Variants in PLA2R1 observed in about 807,000 individuals in gnomAD.
PLA2R1 encodes the protein secretory phospholipase A2 receptor.
In PLA2R1, 158 loss-of-function variants were observed where a neutral mutation model predicts 195.9. That is an observed-to-expected ratio of 0.81 (90% CI 0.71 to 0.92). The LOEUF (loss-of-function observed/expected upper bound fraction) is 0.92. Among genes scored for constraint, PLA2R1 ranks in the 40% least tolerant of loss-of-function variants. The pLI, the probability that PLA2R1 is intolerant of heterozygous loss-of-function variation, is 0.00. For missense variants in PLA2R1, 1,626 were observed against 1,764.6 expected (o/e 0.92, Z 1.41); for synonymous variants, 586 against 598.2 (o/e 0.98, Z 0.30).
intron 11 of PLA2R1, among the ~76,000 whole-genome samples, chr2:159,999,279 G>A (rs949055333): frequency 1.3e-5 from 2 of 151,436 alleles, no homozygotes; most frequent in Non-Finnish European, 2.9e-5. Context: ...ATCTATATAT[G>A]AGTTATTTAT....
intron 17 of PLA2R1, 68 bp downstream of exon 17, chr2:159,976,000 C>T: frequency 2.4e-6 from 2 of 822,080 alleles, no homozygotes; most frequent in Non-Finnish European, 2.0e-6. Flanking sequence ...AACTATCCCT[C>T]CCTCCCTCCC....
At chr2:160,025,154 G>A (rs1693417498) in intron 6 of PLA2R1, among the ~76,000 whole-genome samples, 1 of 152,150 alleles carries the variant, frequency 6.6e-6, no homozygotes, top group South Asian at 2.1e-4. Context: ...ATACCGTAAT[G>A]GTGGTCTGTA....
chr2:160,061,407 A>G (rs1695940685), intron 1 of PLA2R1, among the ~76,000 whole-genome samples: 1 of 152,144 alleles, frequency 6.6e-6, no homozygotes, highest in East Asian at 1.9e-4. Context: ...TTTTCCACTG[A>G]GAGAGACTAA....
intron 9 of PLA2R1, among the ~76,000 whole-genome samples, chr2:160,015,844 TAGAAG>T (rs1692705123): frequency 6.6e-6 from 1 of 152,212 alleles, no homozygotes; most frequent in Non-Finnish European, 1.5e-5. Context: ...ATAACTGGAT[TAGAAG>T]AGAAAATAAT....
chr2:159,928,840 T>C (rs1364162317), downstream of PLA2R1, among the ~76,000 whole-genome samples: 1 of 152,046 alleles, frequency 6.6e-6, no homozygotes, highest in Admixed American at 6.6e-5. Context: ...ATCTCAGAAA[T>C]AAAGCCAAAT....
At chr2:159,948,388 C>T (rs1352149939) in intron 25 of PLA2R1, among the ~76,000 whole-genome samples, 1 of 152,016 alleles carries the variant, frequency 6.6e-6, no homozygotes, top group African/African-American at 2.4e-5. Context: ...GCACGTACCA[C>T]CAAGCCCAGA....
chr2:159,944,498 ATCT>A (rs1240079722), intron 28 of PLA2R1, among the ~76,000 whole-genome samples: 3 of 152,340 alleles, frequency 2.0e-5, no homozygotes, highest in Admixed American at 6.5e-5. Flanking sequence ...AGGGAATCAC[ATCT>A]TCTTGTCTAC....
intron 20 of PLA2R1, among the ~76,000 whole-genome samples, chr2:159,967,279 G>C (rs1232130475): frequency 2.0e-5 from 3 of 152,002 alleles, no homozygotes; most frequent in Admixed American, 2.0e-4. Flanking sequence ...CATTCATACA[G>C]CACAATAAAT....
At chr2:160,008,291 G>A (rs1482672785) in intron 10 of PLA2R1, among the ~76,000 whole-genome samples, 1 of 152,226 alleles carries the variant, frequency 6.6e-6, no homozygotes, top group African/African-American at 2.4e-5. Context: ...GGGTGATAGA[G>A]TGAGACCCTG....
rs555703166 is a variant in PLA2R1 at position 159,987,184 on chromosome 2, G to C, written c.2009C>G (p.Ser670Ter). ...PFHPCYLDWE[S>*]EPGLASCFKV... ...GAAGCAACTGGCCAGACCAGGCTCTGACTCCCAGTCCAAATAGCAGGGGTG... is the reference window on the plus strand; with the variant it reads ...GAAGCAACTGGCCAGACCAGGCTCTCACTCCCAGTCCAAATAGCAGGGGTG... Residue 670 changes from serine to a stop codon, truncating the protein, a stop_gained, in exon 12 of 30, where the codon TCA becomes TGA. Coordinates refer to ENST00000283243, the MANE Select transcript of PLA2R1 (RefSeq NM_007366.5). LOFTEE classifies it high-confidence loss of function. 1 of 1,613,918 alleles carries C rather than the reference G, an allele frequency of 6.2e-7. No individual in the cohort carries two copies. Among genetic ancestry groups the C allele is most frequent in the Non-Finnish European group, 8.5e-7 (1 of 1,179,824 alleles).
At chr2:160,031,501 G>C (rs144952131) in intron 4 of PLA2R1, among the ~76,000 whole-genome samples, 6 of 152,212 alleles carry the variant, frequency 3.9e-5, no homozygotes, top group Admixed American at 3.9e-4. Context: ...ATGTGTGCCA[G>C]GCACTTTTCT....
At chr2:160,039,524 T>C (rs1005507057) in intron 3 of PLA2R1, among the ~76,000 whole-genome samples, 7 of 152,148 alleles carry the variant, frequency 4.6e-5, no homozygotes, top group African/African-American at 4.8e-5. Flanking sequence ...TTTAAAAAAA[T>C]TTCCCACATA....
chr2:159,945,753 G>A, intron 27 of PLA2R1: 1 of 977,152 alleles, frequency 1.0e-6, no homozygotes, highest in Non-Finnish European at 1.2e-6. Flanking sequence ...TGAGACTCTT[G>A]AACTAATACA....
At chr2:160,020,011 C>T (rs1693002525) in intron 8 of PLA2R1, 95 bp downstream of exon 8, 1 of 804,008 alleles carries the variant, frequency 1.2e-6, no homozygotes, top group Admixed American at 2.6e-5. Flanking sequence ...AGGGACTGCA[C>T]CTGTCTTGGT....
intron 8 of PLA2R1, among the ~76,000 whole-genome samples, chr2:160,017,694 T>C (rs1475533965): frequency 2.0e-5 from 3 of 152,196 alleles, no homozygotes; most frequent in African/African-American, 4.8e-5. Context: ...TGCTAACATA[T>C]TAAAATTTTA....
intron 2 of PLA2R1, among the ~76,000 whole-genome samples, chr2:160,044,052 G>A (rs1407161141): frequency 2.0e-5 from 3 of 151,944 alleles, no homozygotes; most frequent in African/African-American, 7.3e-5. Flanking sequence ...TGGATGGATG[G>A]ATGGATAGAT....
chr2:159,993,822 T>C (rs1403374469), intron 11 of PLA2R1, among the ~76,000 whole-genome samples: 1 of 152,008 alleles, frequency 6.6e-6, no homozygotes, highest in Non-Finnish European at 1.5e-5. Flanking sequence ...TCCATAGTAA[T>C]GCTAAAAAAA....
At chr2:159,929,765 T>A (rs1233518191), downstream of PLA2R1, among the ~76,000 whole-genome samples, 1 of 152,184 alleles carries the variant, frequency 6.6e-6, no homozygotes, top group Middle Eastern at 3.4e-3. Context: ...TGCCCATCAA[T>A]CAATGAGTGG....
chr2:159,941,561 C>G lies in PLA2R1; in HGVS notation c.*217G>C. 4 of 380,896 alleles carry G rather than the reference C, an allele frequency of 1.1e-5. No homozygotes were observed. The highest frequency in any genetic ancestry group is 1.9e-5 in the Non-Finnish European group (4 of 212,740). The allele number at this position is 380,896 out of a possible 1,614,324, so 23.6% of individuals were successfully genotyped here. ...TGAAAAATAACCAATGCATAATTTA[C>G]CCCTTTTAAGAATGGATCACAGTTT... On this transcript the variant is annotated 3_prime_UTR_variant, in exon 30 of 30. Transcript: ENST00000283243.
Sources: gnomAD v4.1 joint callset for allele counts (sites outside exome capture counted in the v4.1 genomes callset) on GRCh38, gnomAD v4.1.1 for gene constraint, MANE v1.5 for transcripts, NCBI Gene and HGNC (gene_info 2026-07-23, HGNC 2026-07-21) for gene names.